The following ECSCR variants were observed in gnomAD, a reference collection of about 807,000 sequenced individuals.
ECSCR encodes endothelial cell-specific chemotaxis regulator.
In ECSCR, 12 loss-of-function variants were observed where a neutral mutation model predicts 16.7. The ratio of observed to expected loss-of-function variants is 0.72; its 90% CI spans 0.46 to 1.17. The LOEUF (loss-of-function observed/expected upper bound fraction) is 1.17, where lower values mean the gene tolerates loss of function less well. Ranked by LOEUF, ECSCR falls within the 50% of genes most tolerant of loss-of-function variation. The probability of loss-of-function intolerance (pLI) is 0.00; values close to 1 mark genes in which losing one functional copy is unlikely to be tolerated. For missense variants in ECSCR, 122 were observed against 116.1 expected, an observed-to-expected ratio of 1.05 and a Z score of -0.23; for synonymous variants, 44 against 42.2, an observed-to-expected ratio of 1.04 and a Z score of -0.17.
Position 139,449,150 on chromosome 5 carries a change from T to C in ECSCR, c.537A>G (p.Lys179=). 1 of 1,537,192 alleles carries C rather than the reference T, an allele frequency of 6.5e-7. No homozygotes were observed. Among genetic ancestry groups the C allele is most frequent in the South Asian group, 1.2e-5 (1 of 84,052 alleles). ...SESCSTANGE[K]DSITLISMKN... ...TCATGGAGATAAGGGTGATGCTGTC[T>C]TTCTCTCCATTGGCTGTGGAGCAGC... is the stretch of plus-strand genomic sequence containing the variant. Residue 179 remains lysine (K), a synonymous_variant, in exon 9 of 10, where the codon AAA becomes AAG. Transcript: ENST00000618155.
chr5:139,456,764 C>T (rs1477636690), intron 4 of ECSCR, among the ~76,000 whole-genome samples: 2 of 152,228 alleles, frequency 1.3e-5, no homozygotes, highest in Admixed American at 6.5e-5. Context: ...CCTGTCTCTA[C>T]GCCCCACCAA....
At chr5:139,449,295 G>A (rs562674138) in intron 8 of ECSCR, 121 bp from the exon 9 acceptor site, 12 of 698,248 alleles carry the variant, frequency 1.7e-5, no homozygotes, top group Non-Finnish European at 2.9e-5. Context: ...TTTGGTGGTG[G>A]ATCATGATGA....
At chr5:139,454,232 T>G (rs1405135722) in intron 8 of ECSCR, among the ~76,000 whole-genome samples, 18 of 138,604 alleles carry the variant, frequency 1.3e-4, no homozygotes, top group South Asian at 2.4e-4. Context: ...AGTGTGTGTG[T>G]GGGGGTCGTG....
At chr5:139,455,719 G>T (rs1751142122) in intron 5 of ECSCR, among the ~76,000 whole-genome samples, 1 of 148,416 alleles carries the variant, frequency 6.7e-6, no homozygotes, top group South Asian at 2.1e-4. Flanking sequence ...GCTCATGCCT[G>T]CAATCCCAAT....
chr5:139,455,247 G>GT (rs1459795667), intron 6 of ECSCR, 76 bp downstream of exon 6: 3 of 245,632 alleles, frequency 1.2e-5, no homozygotes, highest in Non-Finnish European at 1.9e-5. Context: ...TTGAACTTGC[G>GT]TTTCAGACCC....
chr5:139,455,289 C>CT, intron 6 of ECSCR, 34 bp downstream of exon 6: 1 of 387,946 alleles, frequency 2.6e-6, no homozygotes, highest in Non-Finnish European at 4.5e-6. Flanking sequence ...GGTAGGGGTT[C>CT]CTCCTATGTC....
At chr5:139,456,999 G>A (rs1156843648) in intron 4 of ECSCR, among the ~76,000 whole-genome samples, 4 of 152,230 alleles carry the variant, frequency 2.6e-5, no homozygotes, top group East Asian at 1.9e-4. Flanking sequence ...TCGGCATCAC[G>A]GGTTTACTGG....
At position 139,448,814 on chromosome 5, in the gene ECSCR, A is replaced by C; in HGVS notation, c.*86T>G. 2 of 1,525,268 alleles carry C rather than the reference A, an allele frequency of 1.3e-6. No homozygotes were observed. Among genetic ancestry groups the C allele is most frequent in the Non-Finnish European group, 1.8e-6 (2 of 1,142,736 alleles). 94.5% of individuals were successfully genotyped at this position (1,525,268 alleles called of 1,614,324 possible). A position where few individuals can be genotyped will look rare whatever the true frequency, so the allele number is the denominator to read the frequency against. Reference sequence around the variant, plus strand: ...CAATAAAATAATTTACATGTGGTTCATTGCCTCTACTAATTCCATCTCTTC... The same window carrying C: ...CAATAAAATAATTTACATGTGGTTCCTTGCCTCTACTAATTCCATCTCTTC... On this transcript the variant is annotated 3_prime_UTR_variant, in exon 10 of 10. Coordinates refer to ENST00000618155, the MANE Select transcript of ECSCR (RefSeq NM_001077693.4).
chr5:139,448,952 T>C (rs185508279), intron 9 of ECSCR, 44 bp from the exon 10 acceptor site: 8 of 1,537,058 alleles, frequency 5.2e-6, no homozygotes, highest in East Asian at 2.4e-5. Context: ...CTTTTTAGGA[T>C]TGGCAGGGTA....
intron 2 of ECSCR, 85 bp downstream of exon 2, chr5:139,458,054 A>G: frequency 6.3e-6 from 9 of 1,425,578 alleles, no homozygotes; most frequent in Non-Finnish European, 7.7e-6. Flanking sequence ...CCCTGAGGTT[A>G]AGGCTAAATT....
Position 139,448,998 on chromosome 5 carries a change from A to G in ECSCR, c.609+80T>C, listed in dbSNP as rs1035511927. 3.9e-6 allele frequency: 6 copies of G among 1,533,414 alleles called. No individual in the cohort carries two copies. The African/African-American group carries it at 6.9e-5, about 18-fold the overall frequency. The allele number at this position is 1,533,414 out of a possible 1,614,324, so 95.0% of individuals were successfully genotyped here. A position where few individuals can be genotyped will look rare whatever the true frequency, so the allele number is the denominator to read the frequency against. On this transcript the variant is annotated intron_variant, in intron 9 of 9. Transcript: ENST00000618155. ...GAGAAAAGCCAGAGTCTTTGAAAGT[A>G]TCTCCTTTCTGGCCTGAAAGTAGGA...
At chr5:139,458,517 A>C (rs1751217455) in intron 1 of ECSCR, among the ~76,000 whole-genome samples, 1 of 135,356 alleles carries the variant, frequency 7.4e-6, no homozygotes, top group Non-Finnish European at 1.6e-5. Flanking sequence ...AAAAAAAAAA[A>C]AAAAAAAAAA....
chr5:139,458,284 T>C (rs929053676), intron 1 of ECSCR, 101 bp from the exon 2 acceptor site: 3 of 1,097,040 alleles, frequency 2.7e-6, no homozygotes, highest in Admixed American at 2.7e-5. Flanking sequence ...CTGGGCAACA[T>C]AGCAAGACCC....
chr5:139,455,852 G>A (rs1196206647), intron 5 of ECSCR, among the ~76,000 whole-genome samples: 2 of 147,456 alleles, frequency 1.4e-5, no homozygotes, highest in African/African-American at 5.0e-5. Flanking sequence ...GACCGGGCAC[G>A]GTGGCTCACA....
chr5:139,462,053 G>A (rs1751317738), intron 1 of ECSCR, among the ~76,000 whole-genome samples: 1 of 152,140 alleles, frequency 6.6e-6, no homozygotes, highest in Non-Finnish European at 1.5e-5. Flanking sequence ...CCCTGGATGT[G>A]AGAATGTTAA....
chr5:139,451,985 G>A (rs1226404659), intron 8 of ECSCR, among the ~76,000 whole-genome samples: 2 of 148,752 alleles, frequency 1.3e-5, no homozygotes, highest in South Asian at 2.2e-4. Flanking sequence ...TATGTGTGGT[G>A]CATGGGGTGT....
At position 139,454,504 on chromosome 5, in the gene ECSCR, TGGTGTGTG is replaced by T. The variant is rs1196773116; in HGVS notation, c.512+90_512+97del. The T allele has an allele frequency of 4.3e-5, 17 of 394,558 alleles. No individual in the cohort carries two copies. In the South Asian group the frequency reaches 2.0e-3, roughly 46 times the overall value. The allele number at this position is 394,558 out of a possible 1,614,324, so 24.4% of individuals were successfully genotyped here. On this transcript the variant is annotated intron_variant, in intron 8 of 9. Transcript: ENST00000618155. ...GTGATGTGTGAAGGTGTATGGTGTG[TGGTGTGTG>T]GGTGTGTGGGTGTGGAAGGCAGGAA...
chr5:139,453,754 T>C, intron 8 of ECSCR, among the ~76,000 whole-genome samples: 2 of 131,768 alleles, frequency 1.5e-5, no homozygotes, highest in South Asian at 5.0e-4. Context: ...GGGAGTGTGG[T>C]GTGTTTGTGG....
chr5:139,458,621 TAG>T (rs1393067514), intron 1 of ECSCR, among the ~76,000 whole-genome samples: 1 of 146,430 alleles, frequency 6.8e-6, no homozygotes, highest in East Asian at 2.0e-4. Flanking sequence ...CTGAGGTGGG[TAG>T]ATCACTTGAG....
Sources: gnomAD v4.1 joint callset for allele counts (sites outside exome capture counted in the v4.1 genomes callset) on GRCh38, gnomAD v4.1.1 for gene constraint, MANE v1.5 for transcripts, NCBI Gene and HGNC (gene_info 2026-07-23, HGNC 2026-07-21) for gene names.